RPS6KA2: variants seen among roughly 807,000 people sequenced by gnomAD.
RPS6KA2 encodes the protein ribosomal protein S6 kinase A2, also known as ribosomal protein S6 kinase alpha-2.
Under a neutral mutation model 91.8 loss-of-function variants are expected in RPS6KA2, and 42 were observed. The observed-to-expected ratio is 0.46, with a 90% CI of 0.36 to 0.59. The LOEUF is 0.59. RPS6KA2 is among the 20% of genes least tolerant of loss of function. The pLI is 0.00. For synonymous variants in RPS6KA2, 414 were observed against 393.6 expected, an observed-to-expected ratio of 1.05 and a Z score of -0.61; for missense variants, 798 against 978.5, an observed-to-expected ratio of 0.82 and a Z score of 2.46.
chr6:166,447,343 T>C (rs1245140554), intron 14 of RPS6KA2, among the ~76,000 whole-genome samples: 1 of 152,218 alleles, frequency 6.6e-6, no homozygotes, highest in Non-Finnish European at 1.5e-5. Flanking sequence ...CTGGGCAGAC[T>C]AAACACAGAG....
chr6:166,588,888 C>T (rs1353427390), intron 1 of RPS6KA2, among the ~76,000 whole-genome samples: 1 of 152,136 alleles, frequency 6.6e-6, no homozygotes, highest in Non-Finnish European at 1.5e-5. Context: ...GGTGCGACTA[C>T]CTGTGTTCCA....
intron 2 of RPS6KA2, among the ~76,000 whole-genome samples, chr6:166,833,993 C>T (rs1780252887): frequency 6.6e-6 from 1 of 152,086 alleles, no homozygotes; most frequent in Non-Finnish European, 1.5e-5. Context: ...CTTGGCCTCC[C>T]AAAATGCTGG....
chr6:166,627,288 C>T (rs2128543984), upstream of RPS6KA2: 2 of 941,154 alleles, frequency 2.1e-6, no homozygotes, highest in Admixed American at 6.0e-5. Context: ...ACACCACGCC[C>T]ACCACCACTA....
chr6:166,566,181 C>T (rs549059551), intron 1 of RPS6KA2, among the ~76,000 whole-genome samples: 96 of 152,342 alleles, frequency 6.3e-4, no homozygotes, highest in African/African-American at 2.3e-3. Context: ...GACGTGATGG[C>T]CTTGGCTGGG....
chr6:166,456,572 GCTGAAGTTTCAGAAAAGA>G (rs1780114081), intron 12 of RPS6KA2, among the ~76,000 whole-genome samples: 1 of 152,192 alleles, frequency 6.6e-6, no homozygotes, highest in Non-Finnish European at 1.5e-5. Context: ...TTGAGCGCTG[GCTGAAGTTTCAGAAAAGA>G]CTGAAAGCCT....
At chr6:166,497,470 G>A (rs1482252890) in intron 8 of RPS6KA2, among the ~76,000 whole-genome samples, 3 of 152,226 alleles carry the variant, frequency 2.0e-5, no homozygotes, top group Admixed American at 6.5e-5. Flanking sequence ...GCCCATCTCC[G>A]GAGCTGGTCT....
At position 166,744,491 on chromosome 6, in the gene RPS6KA2, C is replaced by T. The variant is rs576350943; in HGVS notation, c.123+113709G>A. On this transcript the variant is annotated intron_variant, in intron 2 of 21. Transcript: ENST00000503859. The stretch of plus-strand genomic sequence containing the variant: ...TCCTTTCAAAACACAGGCTCTATGG[C>T]GACAGACTTAAGAAAAAACGGTGCT... Among the ~76,000 whole-genome samples, 16 of 152,286 alleles carry T rather than the reference C, an allele frequency of 1.1e-4. No individual in the cohort carries two copies. The East Asian group carries it at 2.7e-3, about 26-fold the overall frequency.
intron 2 of RPS6KA2, among the ~76,000 whole-genome samples, chr6:166,655,422 T>G (rs1186194986): frequency 6.6e-6 from 1 of 152,200 alleles, no homozygotes; most frequent in Non-Finnish European, 1.5e-5. Flanking sequence ...GTGTGCAAAG[T>G]AGTACAAACA....
intron 1 of RPS6KA2, among the ~76,000 whole-genome samples, chr6:166,562,406 T>C (rs952908891): frequency 6.6e-6 from 1 of 152,218 alleles, no homozygotes; most frequent in Non-Finnish European, 1.5e-5. Flanking sequence ...TGCATTTCTA[T>C]GTGCATACAT....
rs1430095254 is a variant in RPS6KA2 at position 166,412,639 on chromosome 6, G to A, written c.*123C>T. On this transcript the variant is annotated 3_prime_UTR_variant, in exon 21 of 21. Coordinates refer to ENST00000265678, the MANE Select transcript of RPS6KA2 (RefSeq NM_021135.6). The surrounding 1 kb of genome is among the most constrained non-coding windows in gnomAD (Gnocchi z 4.3). Reference sequence around the variant, plus strand: ...CTGAAAAAGAAAACACGGACACGGCGAGGGCGGGCGCCGCCTCCCTGCTGG... The same window carrying A: ...CTGAAAAAGAAAACACGGACACGGCAAGGGCGGGCGCCGCCTCCCTGCTGG... 1 of 988,840 alleles carries A rather than the reference G, an allele frequency of 1.0e-6. No individual in the cohort carries two copies. 61.3% of individuals were successfully genotyped at this position (988,840 alleles called of 1,614,324 possible).
intron 1 of RPS6KA2, among the ~76,000 whole-genome samples, chr6:166,606,045 A>G (rs3799581): frequency 0.12 from 18,027 of 152,274 alleles, 1,196 homozygotes; most frequent in East Asian, 0.34. Flanking sequence ...CAAAGGCAGC[A>G]TAATGCCGCC....
At chr6:166,573,783 C>T (rs1280394042) in intron 1 of RPS6KA2, among the ~76,000 whole-genome samples, 1 of 152,104 alleles carries the variant, frequency 6.6e-6, no homozygotes, top group Non-Finnish European at 1.5e-5. Context: ...TGGGAACTTC[C>T]CAGTTTTGAA....
At chr6:166,615,413 G>A (rs1423010210) in intron 1 of RPS6KA2, among the ~76,000 whole-genome samples, 2 of 152,246 alleles carry the variant, frequency 1.3e-5, no homozygotes, top group African/African-American at 4.8e-5. Flanking sequence ...AATAAAGGGA[G>A]GAGTAAGAAA....
At chr6:166,458,223 A>C (rs1362192904) in intron 12 of RPS6KA2, among the ~76,000 whole-genome samples, 5 of 152,106 alleles carry the variant, frequency 3.3e-5, no homozygotes, top group African/African-American at 1.2e-4. Context: ...CATAATTCCC[A>C]TGTGTTGTAG....
At position 166,613,871 on chromosome 6, in the gene RPS6KA2, G is replaced by A. The variant is rs888358624; in HGVS notation, c.99+13050C>T. On this transcript the variant is annotated intron_variant, in intron 1 of 20. Coordinates refer to ENST00000265678, the MANE Select transcript of RPS6KA2 (RefSeq NM_021135.6). ...TTCAGGACACAGTCGGGCTTTCCAC[G>A]GCCTTCAGGACACAGTCGGGCTTTC... is the stretch of plus-strand genomic sequence containing the variant. Among the ~76,000 whole-genome samples, 12 of 151,384 alleles carry A rather than the reference G, an allele frequency of 7.9e-5. No homozygotes were observed. In the East Asian group the frequency reaches 2.3e-3, roughly 29 times the overall value.
rs138664918 is a variant in RPS6KA2, at chr6:166,488,026, G to T, written c.907+807C>A. Among the ~76,000 whole-genome samples, 465 of 152,210 alleles carry T rather than the reference G, an allele frequency of 3.1e-3. 5 individuals are homozygous for T. Among genetic ancestry groups the T allele is most frequent in the Non-Finnish European group, 4.2e-3 (286 of 68,004 alleles). ...AATCTAGTATTTTTTCCGAAATGAA[G>T]TATTTCCTGATTTAACTTTTGCCTT... On this transcript the variant is annotated intron_variant, in intron 10 of 20. Transcript: ENST00000265678.
intron 10 of RPS6KA2, among the ~76,000 whole-genome samples, chr6:166,480,677 G>C (rs1781182337): frequency 6.6e-6 from 1 of 151,690 alleles, no homozygotes; most frequent in Non-Finnish European, 1.5e-5. Context: ...ATCACACCCA[G>C]TTGATTTTTA....
At chr6:166,682,065 T>C (rs911474115) in intron 2 of RPS6KA2, among the ~76,000 whole-genome samples, 2 of 152,192 alleles carry the variant, frequency 1.3e-5, no homozygotes, top group Non-Finnish European at 2.9e-5. Flanking sequence ...TAAGTAGAGT[T>C]CTGAGGGTTT....
chr6:166,719,762 G>A (rs980733946), intron 2 of RPS6KA2, among the ~76,000 whole-genome samples: 12 of 152,290 alleles, frequency 7.9e-5, no homozygotes, highest in Non-Finnish European at 1.3e-4. Flanking sequence ...GACTACTTTC[G>A]GCTCAGGAAC....
Sources: allele counts gnomAD v4.1 joint callset (sites outside exome capture counted in the v4.1 genomes callset), GRCh38; gene constraint gnomAD v4.1.1; non-coding constraint Gnocchi (gnomAD v3.1); transcripts MANE v1.5; gene names NCBI Gene and HGNC (gene_info 2026-07-23, HGNC 2026-07-21).